Variants in FRMD6 observed in about 807,000 individuals in gnomAD.
The protein encoded by FRMD6 is FERM domain containing 6, also known as FERM domain-containing protein 6.
A neutral mutation model predicts 73.2 loss-of-function variants in FRMD6; 37 were observed. That is an observed-to-expected ratio of 0.51 (90% confidence interval 0.39 to 0.66). FRMD6 has a LOEUF of 0.66. FRMD6 is among the 30% of genes least tolerant of loss of function. The probability of loss-of-function intolerance (pLI) is 0.00; values close to 1 mark genes in which losing one functional copy is unlikely to be tolerated. For synonymous variants in FRMD6, 273 were observed against 282.2 expected, an observed-to-expected ratio of 0.97 and a Z score of 0.33; for missense variants, 714 against 780.5, an observed-to-expected ratio of 0.91 and a Z score of 1.02.
chr14:51,540,154 A>G (rs879814001), intron 1 of FRMD6, among the ~76,000 whole-genome samples: 1 of 152,110 alleles, frequency 6.6e-6, no homozygotes, highest in Non-Finnish European at 1.5e-5. Context: ...ATCAGGAGAA[A>G]CATTGAGGGT....
At chr14:51,497,045 C>G (rs1369659880) in intron 1 of FRMD6, among the ~76,000 whole-genome samples, 1 of 152,102 alleles carries the variant, frequency 6.6e-6, no homozygotes, top group Non-Finnish European at 1.5e-5. Flanking sequence ...ACATGGTAAC[C>G]TTAATATCCT....
At chr14:51,538,255 T>C (rs566197359) in intron 1 of FRMD6, among the ~76,000 whole-genome samples, 1 of 152,272 alleles carries the variant, frequency 6.6e-6, no homozygotes, top group South Asian at 2.1e-4. Context: ...TTGGGTTGTC[T>C]TTTTTATTGT....
intron 2 of FRMD6, among the ~76,000 whole-genome samples, chr14:51,691,588 A>ATTTTTTTTTTTTTTTTTTTTTTTTTTT (rs758677611): frequency 5.3e-5 from 4 of 75,150 alleles, no homozygotes; most frequent in Non-Finnish European, 8.4e-5. Context: ...TTTGATTTTG[A>ATTTTTTTTTTTTTTTTTTTTTTTTTTT]TTTTTTTTTT....
chr14:51,445,231 T>C, the FRMD6 span, among the ~76,000 whole-genome samples: 6 of 152,126 alleles, frequency 3.9e-5, no homozygotes, highest in Admixed American at 3.9e-4. Context: ...TCCTGGTCTA[T>C]AGGGGCTGCG....
At chr14:51,545,171 A>G (rs1886400624) in intron 1 of FRMD6, among the ~76,000 whole-genome samples, 2 of 152,134 alleles carry the variant, frequency 1.3e-5, no homozygotes, top group African/African-American at 4.8e-5. Flanking sequence ...GTAGTAGAAT[A>G]GCTTGGTGTC....
intron 1 of FRMD6, among the ~76,000 whole-genome samples, chr14:51,493,520 G>A (rs1883131118): frequency 6.6e-6 from 1 of 152,166 alleles, no homozygotes; most frequent in Admixed American, 6.5e-5. Flanking sequence ...TGCCATGTCA[G>A]ATGTGATTTT....
chr14:51,698,272 T>A (rs1566575083), intron 3 of FRMD6, 40 bp downstream of exon 3: 7 of 1,393,042 alleles, frequency 5.0e-6, no homozygotes, highest in Non-Finnish European at 7.1e-6. Flanking sequence ...TAGCCAACTA[T>A]CCCTGAGGAA....
chr14:51,724,963 C>T (rs765399844), intron 12 of FRMD6, among the ~76,000 whole-genome samples: 1 of 152,044 alleles, frequency 6.6e-6, no homozygotes, highest in Non-Finnish European at 1.5e-5. Context: ...CGGGTTTCCA[C>T]CGAGTGCTAA....
At chr14:51,398,201 C>G in the FRMD6 span, among the ~76,000 whole-genome samples, 1 of 152,144 alleles carries the variant, frequency 6.6e-6, no homozygotes, top group Admixed American at 6.6e-5. Flanking sequence ...TCATTTAATG[C>G]TTTGGTCTAT....
intron 2 of FRMD6, among the ~76,000 whole-genome samples, chr14:51,637,112 CGTGGGAGGCTGAA>C (rs1219337222): frequency 6.6e-6 from 1 of 152,022 alleles, no homozygotes; most frequent in Non-Finnish European, 1.5e-5. Flanking sequence ...GTTCCAACTA[CGTGGGAGGCTGAA>C]GTGGGAGGAT....
chr14:51,408,023 A>G, the FRMD6 span, among the ~76,000 whole-genome samples: 2 of 151,998 alleles, frequency 1.3e-5, no homozygotes, highest in Non-Finnish European at 2.9e-5. Flanking sequence ...TTTCTTTTCA[A>G]TCTTTAGTGT....
At chr14:51,609,826 C>G (rs968223857) in intron 2 of FRMD6, among the ~76,000 whole-genome samples, 21 of 152,116 alleles carry the variant, frequency 1.4e-4, no homozygotes, top group Non-Finnish European at 2.6e-4. Context: ...AACATATACC[C>G]TTTTGAAAAT....
At chr14:51,479,634 A>T in the FRMD6 span, among the ~76,000 whole-genome samples, 2 of 152,270 alleles carry the variant, frequency 1.3e-5, no homozygotes, top group Admixed American at 1.3e-4. Context: ...AGTGCTCAGT[A>T]GAAGTTAGCT....
chr14:51,638,056 T>C (rs187328454), intron 2 of FRMD6: 73 of 152,392 alleles, frequency 4.8e-4, no homozygotes, highest in Non-Finnish European at 7.3e-4. Context: ...GGTGGAAGGA[T>C]GGCTTCAGCC....
At chr14:51,449,868 T>C in the FRMD6 span, among the ~76,000 whole-genome samples, 1 of 152,178 alleles carries the variant, frequency 6.6e-6, no homozygotes, top group Non-Finnish European at 1.5e-5. Flanking sequence ...CACCAGTAGG[T>C]CATACTCTGA....
chr14:51,589,360 T>C (rs1368397217), intron 2 of FRMD6, among the ~76,000 whole-genome samples: 2 of 3,392 alleles, frequency 5.9e-4, no homozygotes, highest in East Asian at 9.1e-3. Flanking sequence ...GTTTTTTTTG[T>C]TGTTGTTGTT....
chr14:51,436,794 GAGA>G, the FRMD6 span: 5 of 535,776 alleles, frequency 9.3e-6, no homozygotes, highest in Admixed American at 2.6e-5. Flanking sequence ...GATGAAGAAG[GAGA>G]AGGAGAAGAT....
At chr14:51,636,427 ATTCCTGCCGTAAAG>A (rs1291861589) in intron 2 of FRMD6, among the ~76,000 whole-genome samples, 3 of 152,112 alleles carry the variant, frequency 2.0e-5, no homozygotes, top group Non-Finnish European at 1.5e-5. Flanking sequence ...GTTGGTCCAT[ATTCCTGCCGTAAAG>A]TTCTATTCCT....
intron 1 of FRMD6, among the ~76,000 whole-genome samples, chr14:51,516,638 T>C (rs1257037281): frequency 6.6e-6 from 1 of 152,210 alleles, no homozygotes; most frequent in African/African-American, 2.4e-5. Context: ...TAAGTGCTTG[T>C]GCTTCCCTGA....
Sources: allele counts gnomAD v4.1 joint callset (sites outside exome capture counted in the v4.1 genomes callset), GRCh38; gene constraint gnomAD v4.1.1; transcripts MANE v1.5; gene names NCBI Gene and HGNC (gene_info 2026-07-23, HGNC 2026-07-21).